ANKMY1: variants seen among roughly 807,000 people sequenced by gnomAD.
ANKMY1 encodes ankyrin repeat and MYND domain containing 1, also known as ankyrin repeat and MYND domain-containing protein 1.
In ANKMY1, 98 loss-of-function variants were observed where a neutral mutation model predicts 102.0. That is an observed-to-expected ratio of 0.96 (90% CI 0.82 to 1.14). The LOEUF is 1.14. Ranked by LOEUF, ANKMY1 falls within the 50% of genes most tolerant of loss-of-function variation. The pLI, the probability that ANKMY1 is intolerant of heterozygous loss-of-function variation, is 0.00. For synonymous variants in ANKMY1, 582 were observed against 559.9 expected, an observed-to-expected ratio of 1.04 and a Z score of -0.56; for missense variants, 1,330 against 1,347.6, an observed-to-expected ratio of 0.99 and a Z score of 0.20.
chr2:240,512,564 G>C lies in ANKMY1; in HGVS notation c.2145+238C>G, dbSNP rs954143046. 3.3e-5 allele frequency among the ~76,000 whole-genome samples: 5 copies of C among 152,242 alleles called. No individual in the cohort carries two copies. The East Asian group carries it at 9.6e-4, about 29-fold the overall frequency. On this transcript the variant is annotated intron_variant, in intron 10 of 17. Coordinates refer to ENST00000401804, the MANE Select transcript of ANKMY1 (RefSeq NM_001282771.3). Reference sequence around the variant, plus strand: ...GACCCCCACGCCCTGTGGACTGCCTGAATAATCAAGTTCTTAACTCATTCC... The same window carrying C: ...GACCCCCACGCCCTGTGGACTGCCTCAATAATCAAGTTCTTAACTCATTCC...
At chr2:240,469,734 A>ACACGTGCACACACTTCTG in the ANKMY1 span, among the ~76,000 whole-genome samples, 1 of 152,102 alleles carries the variant, frequency 6.6e-6, no homozygotes, top group Non-Finnish European at 1.5e-5. Flanking sequence ...ACATATCCAT[A>ACACGTGCACACACTTCTG]CACGTGCACA....
rs575360831 is a variant in ANKMY1 at position 240,537,445 on chromosome 2, T to A, written c.481-7936A>T. Among the ~76,000 whole-genome samples the A allele has an allele frequency of 2.0e-5, 3 of 152,388 alleles. No homozygotes were observed. The East Asian group carries it at 5.8e-4, about 29-fold the overall frequency. On this transcript the variant is annotated intron_variant, in intron 4 of 17. Coordinates refer to ENST00000401804, the MANE Select transcript of ANKMY1 (RefSeq NM_001282771.3). The stretch of plus-strand genomic sequence containing the variant: ...TTTCCTTTAAAACCTCACTTGTAAC[T>A]GCTGCTAATTGGAGCGTCTATTCAG...
chr2:240,537,745 T>A (rs528100418), intron 4 of ANKMY1, among the ~76,000 whole-genome samples: 2 of 152,238 alleles, frequency 1.3e-5, no homozygotes, highest in Non-Finnish European at 2.9e-5. Flanking sequence ...CTTACCTGTT[T>A]CAGTTTGGCC....
intron 15 of ANKMY1, among the ~76,000 whole-genome samples, chr2:240,488,147 A>G (rs1421691385): frequency 6.6e-6 from 1 of 152,144 alleles, no homozygotes; most frequent in East Asian, 1.9e-4. Flanking sequence ...CTATTTTTAT[A>G]TATGGTGAGA....
rs772283493 is a variant in ANKMY1 at position 240,557,294 on chromosome 2, G to A, written c.42C>T (p.Val14=). The A allele has an allele frequency of 5.0e-6, 8 of 1,591,724 alleles. No individual in the cohort carries two copies. The highest frequency in any genetic ancestry group is 1.1e-5 in the South Asian group (1 of 88,518). ...GGCGTTGGCGGCTGCCAGCCCCAGA[G>A]ACTTCGTCCTCTAAGCTAAGGGAGG... is the stretch of plus-strand genomic sequence containing the variant. ...AHASLSLEDE[V]SGAGSRQRPL... The change falls in exon 2 of 18, where the codon GTC becomes GTT. Residue 14 remains valine, a synonymous_variant. Transcript: ENST00000401804.
intron 4 of ANKMY1, among the ~76,000 whole-genome samples, chr2:240,550,426 G>A (rs999612609): frequency 2.0e-5 from 3 of 151,566 alleles, no homozygotes; most frequent in Non-Finnish European, 4.4e-5. Context: ...TGACGAGTTA[G>A]TGGGTGCAGC....
chr2:240,543,326 C>T (rs1055953191), intron 4 of ANKMY1, among the ~76,000 whole-genome samples: 1 of 150,190 alleles, frequency 6.7e-6, no homozygotes, highest in Non-Finnish European at 1.5e-5. Flanking sequence ...GCACTCCAGC[C>T]TGGGTGATAG....
intron 12 of ANKMY1, 124 bp downstream of exon 12, chr2:240,509,224 A>AATGT: frequency 3.3e-6 from 2 of 602,938 alleles, no homozygotes; most frequent in Non-Finnish European, 5.2e-6. Flanking sequence ...TGGATGGATG[A>AATGT]ATGGATGGAT....
At chr2:240,468,674 A>G in the ANKMY1 span, among the ~76,000 whole-genome samples, 1 of 152,328 alleles carries the variant, frequency 6.6e-6, no homozygotes, top group African/African-American at 2.4e-5. Context: ...TGCAGCCAGT[A>G]CAGGTTGGTC....
Position 240,499,406 on chromosome 2 carries a change from G to A in ANKMY1, c.2806+552C>T, listed in dbSNP as rs1446916014. On this transcript the variant is annotated intron_variant, in intron 15 of 17. Transcript: ENST00000401804. This position sits in a 1 kb window ranked among gnomAD's most constrained non-coding sequence, Gnocchi z 4.2. Reference sequence around the variant, plus strand: ...GGTAGGGAGTGACTATGTGGGGGTGGGGGTGACCAGGTGGGTGGGAGGTGG... The same window carrying A: ...GGTAGGGAGTGACTATGTGGGGGTGAGGGTGACCAGGTGGGTGGGAGGTGG... Among the ~76,000 whole-genome samples, 2 of 147,148 alleles carry A rather than the reference G, an allele frequency of 1.4e-5. No individual in the cohort carries two copies. The highest frequency in any genetic ancestry group is 3.0e-5 in the Non-Finnish European group (2 of 66,318).
upstream of ANKMY1, among the ~76,000 whole-genome samples, chr2:240,558,838 A>C (rs2092693396): frequency 6.6e-6 from 1 of 152,128 alleles, no homozygotes; most frequent in Admixed American, 6.5e-5. Flanking sequence ...ACTTCTCTCT[A>C]AAATCTCATT....
the ANKMY1 span, among the ~76,000 whole-genome samples, chr2:240,472,616 A>G: frequency 6.6e-6 from 1 of 152,162 alleles, no homozygotes; most frequent in African/African-American, 2.4e-5. Context: ...AGACATGTTC[A>G]ATGCCTGCTC....
At chr2:240,543,285 G>A (rs913567898) in intron 4 of ANKMY1, among the ~76,000 whole-genome samples, 141 of 151,766 alleles carry the variant, frequency 9.3e-4, no homozygotes, top group African/African-American at 3.3e-3. Flanking sequence ...CCTGGGAAGC[G>A]GAGCTTGCAG....
downstream of ANKMY1, among the ~76,000 whole-genome samples, chr2:240,474,746 A>G (rs1301072552): frequency 6.6e-6 from 1 of 152,246 alleles, no homozygotes; most frequent in East Asian, 1.9e-4. Flanking sequence ...TGCAAAGGAC[A>G]TGATCTCATT....
intron 4 of ANKMY1, among the ~76,000 whole-genome samples, chr2:240,546,908 A>G (rs1471719194): frequency 6.6e-6 from 1 of 152,214 alleles, no homozygotes; most frequent in Non-Finnish European, 1.5e-5. Flanking sequence ...ACACATTAAT[A>G]ATGGGAGACT....
the ANKMY1 span, among the ~76,000 whole-genome samples, chr2:240,472,022 C>G: frequency 1.3e-5 from 2 of 152,178 alleles, no homozygotes; most frequent in Admixed American, 1.3e-4. Flanking sequence ...TCCAACCCCT[C>G]AGCTGCAGTC....
Position 240,499,906 on chromosome 2 carries a change from G to T in ANKMY1, c.2806+52C>A. The T allele has an allele frequency of 6.5e-7, 1 of 1,549,578 alleles. No homozygotes were observed. Among genetic ancestry groups the T allele is most frequent in the Non-Finnish European group, 8.8e-7 (1 of 1,141,906 alleles). Reference sequence around the variant, plus strand: ...CTCCAGGGATAACAGCCCCAGGCACGAGGCCGGAACGCCGCCCTGTGGAGC... The same window carrying T: ...CTCCAGGGATAACAGCCCCAGGCACTAGGCCGGAACGCCGCCCTGTGGAGC... On this transcript the variant is annotated intron_variant, in intron 15 of 17. Coordinates refer to ENST00000401804, the MANE Select transcript of ANKMY1 (RefSeq NM_001282771.3). The surrounding 1 kb of genome is among the most constrained non-coding windows in gnomAD (Gnocchi z 4.2).
chr2:240,509,025 G>A (rs1383511653), intron 12 of ANKMY1, among the ~76,000 whole-genome samples: 1 of 152,066 alleles, frequency 6.6e-6, no homozygotes, highest in Non-Finnish European at 1.5e-5. Context: ...TGGGTGGGTA[G>A]TTGGGTGGAA....
chr2:240,483,468 A>G (rs1284147897), intron 15 of ANKMY1, among the ~76,000 whole-genome samples: 2 of 152,090 alleles, frequency 1.3e-5, no homozygotes, highest in Admixed American at 6.6e-5. Flanking sequence ...GTATTATTTA[A>G]TTTATCATGT....
Sources: gnomAD v4.1 joint callset for allele counts (sites outside exome capture counted in the v4.1 genomes callset) on GRCh38, gnomAD v4.1.1 for gene constraint, Gnocchi (gnomAD v3.1) non-coding constraint, MANE v1.5 for transcripts, NCBI Gene and HGNC (gene_info 2026-07-23, HGNC 2026-07-21) for gene names.